The following IQGAP1 variants were observed in gnomAD, a reference collection of about 807,000 sequenced individuals.
IQGAP1 encodes IQ motif containing GTPase activating protein 1.
IQGAP1 carries 66 observed loss-of-function variants against 215.6 expected under a neutral mutation model. The observed-to-expected ratio is 0.31, with a 90% confidence interval of 0.25 to 0.38. The LOEUF (loss-of-function observed/expected upper bound fraction) is 0.38. IQGAP1 is among the 10% of genes least tolerant of loss of function. The probability of loss-of-function intolerance (pLI) is 1.00; values close to 1 mark genes in which losing one functional copy is unlikely to be tolerated. For synonymous variants in IQGAP1, 772 were observed against 728.7 expected (o/e 1.06, Z -0.96); for missense variants, 1,712 against 1,997.1 (o/e 0.86, Z 2.72).
intron 26 of IQGAP1, among the ~76,000 whole-genome samples, chr15:90,480,220 T>TAA (rs999179798): frequency 1.2e-4 from 11 of 92,436 alleles, no homozygotes; most frequent in East Asian, 5.7e-4. Flanking sequence ...CCCCATATCT[T>TAA]AAAAAAAAAA....
intron 18 of IQGAP1, among the ~76,000 whole-genome samples, chr15:90,470,636 G>A (rs74039030): frequency 6.6e-6 from 1 of 152,016 alleles, no homozygotes; most frequent in African/African-American, 2.4e-5. Context: ...CTTGCTAAGG[G>A]CCTTGAAAGT....
Position 90,426,277 on chromosome 15 carries a change from C to T in IQGAP1, c.312+11C>T. The T allele has an allele frequency of 6.3e-7, 1 of 1,576,058 alleles. No homozygotes were observed. The highest frequency in any genetic ancestry group is 2.3e-5 in the East Asian group (1 of 42,582). On this transcript the variant is annotated intron_variant, in intron 3 of 37. Transcript: ENST00000268182. ...CAGACCAGATACAAGGTGAGTCCTT[C>T]CTTGCTTTGTGCTTAGATTTCTGTC... is the stretch of plus-strand genomic sequence containing the variant.
At chr15:90,452,145 A>G (rs570739776) in intron 11 of IQGAP1, among the ~76,000 whole-genome samples, 2 of 152,116 alleles carry the variant, frequency 1.3e-5, no homozygotes, top group Non-Finnish European at 2.9e-5. Context: ...TCCAGTTTTA[A>G]AGGTAGAACT....
At chr15:90,472,385 A>G (rs1965918080) in intron 18 of IQGAP1, among the ~76,000 whole-genome samples, 1 of 152,160 alleles carries the variant, frequency 6.6e-6, no homozygotes, top group Non-Finnish European at 1.5e-5. Context: ...TTTCAAGACC[A>G]TTTGCAATCT....
intron 33 of IQGAP1, among the ~76,000 whole-genome samples, chr15:90,490,128 C>T (rs1306745047): frequency 1.3e-5 from 2 of 152,194 alleles, no homozygotes; most frequent in African/African-American, 4.8e-5. Flanking sequence ...AACTATGAGC[C>T]ATCCCGAATG....
chr15:90,438,720 A>G (rs960245094), intron 5 of IQGAP1, among the ~76,000 whole-genome samples: 5 of 151,146 alleles, frequency 3.3e-5, no homozygotes, highest in African/African-American at 1.2e-4. Context: ...ATTAACATTA[A>G]TGTTAACATC....
At position 90,466,102 on chromosome 15, in the gene IQGAP1, C is replaced by T. The variant is rs1395733423; in HGVS notation, c.1867+11C>T. The T allele has an allele frequency of 3.1e-6, 5 of 1,612,126 alleles. No homozygotes were observed. The highest frequency in any genetic ancestry group is 4.2e-6 in the Non-Finnish European group (5 of 1,178,366). On this transcript the variant is annotated intron_variant, in intron 16 of 37. Transcript: ENST00000268182. ...AAGAAGCACAGAAGTGTATGTATCA[C>T]CTGTTTTATTTCTGTTTTGGTGGAG...
chr15:90,460,780 T>G (rs1596277746), intron 15 of IQGAP1, among the ~76,000 whole-genome samples: 1 of 151,552 alleles, frequency 6.6e-6, no homozygotes, highest in South Asian at 2.1e-4. Flanking sequence ...GGGTGGATAG[T>G]TTGAGCCCAG....
In IQGAP1 at chr15:90,466,253, T is replaced by C; in HGVS notation, c.1868-16T>C. On this transcript the variant is annotated splice_polypyrimidine_tract_variant and intron_variant, in intron 16 of 37. Coordinates refer to ENST00000268182, the MANE Select transcript of IQGAP1 (RefSeq NM_003870.4). Reference sequence around the variant, plus strand: ...ACTCTCTAAACTATTCTGGTAACAGTTCTTTCCCGAAATAGTTGCCTTAGG... The same window carrying C: ...ACTCTCTAAACTATTCTGGTAACAGCTCTTTCCCGAAATAGTTGCCTTAGG... 6 of 1,613,318 alleles carry C rather than the reference T, an allele frequency of 3.7e-6. No individual in the cohort carries two copies. The highest frequency in any genetic ancestry group is 3.3e-5 in the South Asian group (3 of 91,060).
In IQGAP1 at chr15:90,500,207, A is replaced by G; in HGVS notation, c.*99A>G. The G allele has an allele frequency of 1.5e-6, 1 of 682,700 alleles. No individual in the cohort carries two copies. Among genetic ancestry groups the G allele is most frequent in the Non-Finnish European group, 2.7e-6 (1 of 377,212 alleles). The allele number at this position is 682,700 out of a possible 1,614,324, so 42.3% of individuals were successfully genotyped here. Reference sequence around the variant, plus strand: ...CTCATTGGAAGCAAAGACCTAGCCAACAACAGCACCTCAATCTGATACACT... The same window carrying G: ...CTCATTGGAAGCAAAGACCTAGCCAGCAACAGCACCTCAATCTGATACACT... On this transcript the variant is annotated 3_prime_UTR_variant, in exon 38 of 38. Coordinates refer to ENST00000268182, the MANE Select transcript of IQGAP1 (RefSeq NM_003870.4).
chr15:90,475,403 C>G (rs1055264813), intron 23 of IQGAP1, among the ~76,000 whole-genome samples: 1 of 151,904 alleles, frequency 6.6e-6, no homozygotes, highest in Non-Finnish European at 1.5e-5. Context: ...TCCCAAAGTG[C>G]TGGGATTACA....
chr15:90,388,585 C>T (rs887616571), intron 1 of IQGAP1, among the ~76,000 whole-genome samples, 189 bp downstream of exon 1: 1 of 152,018 alleles, frequency 6.6e-6, no homozygotes, highest in African/African-American at 2.4e-5. Flanking sequence ...CCTCGGGGTC[C>T]GAGGCGGCGG....
At chr15:90,495,378 G>C (rs970027124) in intron 36 of IQGAP1, among the ~76,000 whole-genome samples, 4 of 145,010 alleles carry the variant, frequency 2.8e-5, no homozygotes, top group African/African-American at 9.9e-5. Context: ...GTCTGTTTAG[G>C]GGGGGAAAAA....
intron 26 of IQGAP1, among the ~76,000 whole-genome samples, chr15:90,481,005 C>T (rs904981646): frequency 6.6e-6 from 1 of 152,172 alleles, no homozygotes; most frequent in Non-Finnish European, 1.5e-5. Flanking sequence ...AACAAATCAC[C>T]TCAAATTGGG....
At chr15:90,489,921 A>G (rs1966180053) in intron 33 of IQGAP1, among the ~76,000 whole-genome samples, 1 of 152,204 alleles carries the variant, frequency 6.6e-6, no homozygotes, top group African/African-American at 2.4e-5. Flanking sequence ...TATTTTGCAG[A>G]TGAGGAAACC....
chr15:90,460,587 G>A (rs1304795331), intron 15 of IQGAP1, among the ~76,000 whole-genome samples: 2 of 152,092 alleles, frequency 1.3e-5, no homozygotes, highest in Non-Finnish European at 2.9e-5. Flanking sequence ...TGGTAGGAGG[G>A]GCAGATTGGA....
At chr15:90,456,436 C>G in intron 15 of IQGAP1, 121 bp downstream of exon 15, 2 of 922,134 alleles carry the variant, frequency 2.2e-6, no homozygotes, top group Non-Finnish European at 3.2e-6. Context: ...CCCTTAGATT[C>G]AAAGCACTGG....
intron 2 of IQGAP1, among the ~76,000 whole-genome samples, chr15:90,416,982 T>C (rs931986020): frequency 6.6e-6 from 1 of 152,230 alleles, no homozygotes; most frequent in African/African-American, 2.4e-5. Flanking sequence ...CATTTTTTCA[T>C]GTGTCTGTTG....
intron 9 of IQGAP1, among the ~76,000 whole-genome samples, chr15:90,444,302 T>C (rs928290182): frequency 1.3e-5 from 2 of 149,094 alleles, no homozygotes; most frequent in African/African-American, 5.0e-5. Flanking sequence ...TTTTTTTTTC[T>C]TTAAGAGACA....
Sources: gnomAD v4.1 joint callset for allele counts (sites outside exome capture counted in the v4.1 genomes callset) on GRCh38, gnomAD v4.1.1 for gene constraint, MANE v1.5 for transcripts, NCBI Gene and HGNC (gene_info 2026-07-23, HGNC 2026-07-21) for gene names.